Variants in WLS observed in about 807,000 individuals in gnomAD.
WLS encodes the protein protein wntless homolog.
A neutral mutation model predicts 62.8 loss-of-function variants in WLS; 23 were observed. The ratio of observed to expected loss-of-function variants is 0.37; its 90% CI spans 0.26 to 0.52. The LOEUF is 0.52. Ranked by LOEUF, WLS falls within the 20% of genes least tolerant of loss-of-function variation. WLS has a pLI of 0.92. For synonymous variants in WLS, 246 were observed against 244.1 expected (o/e 1.01, Z -0.07); for missense variants, 615 against 697.3 (o/e 0.88, Z 1.33).
chr1:68,175,475 C>G (rs1399940777), intron 2 of WLS, among the ~76,000 whole-genome samples: 1 of 152,166 alleles, frequency 6.6e-6, no homozygotes, highest in Non-Finnish European at 1.5e-5. Flanking sequence ...ACTATTTAGC[C>G]AAACAATTTG....
intron 1 of WLS, among the ~76,000 whole-genome samples, chr1:68,217,236 C>A (rs1275411323): frequency 2.0e-5 from 3 of 152,198 alleles, no homozygotes; most frequent in Non-Finnish European, 4.4e-5. Flanking sequence ...ATCTCAATTG[C>A]ATTGTGTCCA....
intron 1 of WLS, among the ~76,000 whole-genome samples, chr1:68,203,539 T>C (rs1649138372): frequency 6.6e-6 from 1 of 152,148 alleles, no homozygotes; most frequent in Non-Finnish European, 1.5e-5. Context: ...AAGACTTCCA[T>C]AAAGAAATGA....
intron 11 of WLS, among the ~76,000 whole-genome samples, chr1:68,132,007 C>T (rs549837511): frequency 1.8e-4 from 28 of 152,314 alleles, no homozygotes; most frequent in African/African-American, 6.7e-4. Flanking sequence ...TTAGGACACC[C>T]TGTCTGTAGT....
intron 2 of WLS, among the ~76,000 whole-genome samples, chr1:68,185,956 C>G (rs1388759199): frequency 6.6e-6 from 1 of 152,252 alleles, no homozygotes; most frequent in Admixed American, 6.5e-5. Flanking sequence ...AAATTAGTTC[C>G]CCACCCTTCT....
intron 2 of WLS, among the ~76,000 whole-genome samples, chr1:68,164,450 G>T (rs964279218): frequency 5.3e-5 from 8 of 152,102 alleles, no homozygotes; most frequent in Non-Finnish European, 7.4e-5. Flanking sequence ...CAGAGTCAGG[G>T]TTTATCCATG....
At chr1:68,217,451 C>G (rs1173813768) in intron 1 of WLS, among the ~76,000 whole-genome samples, 1 of 152,138 alleles carries the variant, frequency 6.6e-6, no homozygotes, top group Non-Finnish European at 1.5e-5. Context: ...GCTAATTTAT[C>G]ATGAGGACAG....
intron 1 of WLS, among the ~76,000 whole-genome samples, chr1:68,204,589 G>C (rs1571010821): frequency 6.6e-6 from 1 of 152,164 alleles, no homozygotes; most frequent in African/African-American, 2.4e-5. Context: ...TTACAGGCTT[G>C]AGCCACCGCG....
intron 1 of WLS, among the ~76,000 whole-genome samples, chr1:68,217,481 C>T (rs926733944): frequency 5.9e-5 from 9 of 152,284 alleles, no homozygotes; most frequent in South Asian, 2.1e-4. Context: ...TCACCAGTCT[C>T]GCCATGGAAA....
intron 2 of WLS, among the ~76,000 whole-genome samples, chr1:68,192,901 C>T (rs1648405541): frequency 6.7e-6 from 1 of 148,906 alleles, no homozygotes; most frequent in African/African-American, 2.5e-5. Context: ...TCAAGAGCAG[C>T]CTGGCCAACA....
chr1:68,150,252 C>T lies in WLS; in HGVS notation c.908G>A (p.Arg303Gln), dbSNP rs781389796. 6.8e-6 allele frequency: 11 copies of T among 1,614,054 alleles called. No individual in the cohort carries two copies. The highest frequency in any genetic ancestry group is 4.4e-5 in the South Asian group (4 of 91,078). Reference protein sequence around the residue: ...WTWMLLFGDIRQGIFYAMLLS... With the variant: ...WTWMLLFGDIQQGIFYAMLLS... ...AAGCATCGCATAGAAGATGCCCTGT[C>T]GGATGTCACCAAACAGCAGCATCCA... The change falls in exon 6 of 12, where the codon CGA becomes CAA. Residue 303 changes from arginine (R) to glutamine (Q), a missense_variant. Arg to Gln is a conservative substitution (Grantham distance 43). Transcript: ENST00000262348.
intron 1 of WLS, among the ~76,000 whole-genome samples, chr1:68,208,062 A>T (rs1310573160): frequency 2.0e-5 from 3 of 152,220 alleles, no homozygotes; most frequent in Non-Finnish European, 4.4e-5. Context: ...CAGCCCCAAT[A>T]CCAGAGATGA....
intron 1 of WLS, chr1:68,231,883 A>C (rs1419001495): frequency 4.5e-6 from 2 of 448,888 alleles, no homozygotes; most frequent in Non-Finnish European, 8.6e-6. Context: ...CGAGCAATCA[A>C]CTTTGTAACC....
chr1:68,217,012 C>T (rs1649757558), intron 1 of WLS, among the ~76,000 whole-genome samples: 1 of 152,104 alleles, frequency 6.6e-6, no homozygotes, highest in Admixed American at 6.6e-5. Flanking sequence ...CAAAAAATTT[C>T]AATAAAACAT....
chr1:68,118,523 C>T (rs770832847), intron 11 of WLS, among the ~76,000 whole-genome samples: 16 of 152,138 alleles, frequency 1.1e-4, no homozygotes, highest in Non-Finnish European at 8.8e-5. Flanking sequence ...CTTTACCACA[C>T]CAATATACTT....
intron 2 of WLS, among the ~76,000 whole-genome samples, chr1:68,190,025 A>T (rs1247063828): frequency 6.6e-6 from 1 of 151,740 alleles, no homozygotes; most frequent in Non-Finnish European, 1.5e-5. Flanking sequence ...AATAAATAAA[A>T]AATAAGTACT....
chr1:68,142,130 T>C (rs116464632), intron 10 of WLS, among the ~76,000 whole-genome samples: 120 of 152,344 alleles, frequency 7.9e-4, no homozygotes, highest in Admixed American at 2.0e-3. Context: ...ATTAAACATG[T>C]ACAAGGTTAA....
At chr1:68,220,031 A>G (rs957094858) in intron 1 of WLS, among the ~76,000 whole-genome samples, 2 of 152,216 alleles carry the variant, frequency 1.3e-5, no homozygotes, top group Non-Finnish European at 2.9e-5. Context: ...ACCTGGGCTT[A>G]TCTATGCTCT....
intron 2 of WLS, among the ~76,000 whole-genome samples, chr1:68,179,811 T>C (rs1009259040): frequency 3.9e-5 from 6 of 152,220 alleles, no homozygotes; most frequent in Non-Finnish European, 8.8e-5. Context: ...TGTGCACGTG[T>C]AGAATGATGA....
chr1:68,169,140 T>G (rs908095588), intron 2 of WLS, among the ~76,000 whole-genome samples: 3 of 152,256 alleles, frequency 2.0e-5, no homozygotes, highest in Admixed American at 2.0e-4. Flanking sequence ...TTCTAAGCAT[T>G]GCAAAACTGG....
Sources: allele counts gnomAD v4.1 joint callset (sites outside exome capture counted in the v4.1 genomes callset), GRCh38; gene constraint gnomAD v4.1.1; transcripts MANE v1.5; gene names NCBI Gene and HGNC (gene_info 2026-07-23, HGNC 2026-07-21).